FHIT: variants seen among roughly 807,000 people sequenced by gnomAD.
FHIT encodes fragile histidine triad diadenosine triphosphatase, also known as bis(5'-adenosyl)-triphosphatase.
A neutral mutation model predicts 17.9 loss-of-function variants in FHIT; 19 were observed. The observed-to-expected ratio is 1.06, with a 90% CI of 0.74 to 1.56. FHIT has a LOEUF of 1.56. FHIT is among the 40% of genes most tolerant of loss of function. FHIT has a pLI of 0.00. For missense variants in FHIT, 248 were observed against 189.2 expected, an observed-to-expected ratio of 1.31 and a Z score of -1.82; for synonymous variants, 81 against 69.7, an observed-to-expected ratio of 1.16 and a Z score of -0.81.
rs201555469 is a variant in FHIT at position 60,955,597 on chromosome 3, CATATAT to C, written c.-111+86444_-111+86449del. 8.2e-4 allele frequency among the ~76,000 whole-genome samples: 64 copies of C among 77,710 alleles called. 3 individuals are homozygous for C. Among genetic ancestry groups the C allele is most frequent in the African/African-American group, 2.7e-3 (45 of 16,676 alleles). The allele number at this position is 77,710 out of a possible 152,430, so 51.0% of individuals were successfully genotyped here. On this transcript the variant is annotated intron_variant, in intron 3 of 9. Coordinates refer to ENST00000492590, the MANE Select transcript of FHIT (RefSeq NM_002012.4). ...ATGTATCTGCTTAGGCATATATATA[CATATAT>C]ATATATATATATATATATATATATA...
At chr3:60,366,650 C>T (rs1242622051) in intron 5 of FHIT, among the ~76,000 whole-genome samples, 1 of 152,174 alleles carries the variant, frequency 6.6e-6, no homozygotes, top group Non-Finnish European at 1.5e-5. Context: ...CTCTCACATT[C>T]TCTTGCCCTT....
At chr3:60,020,926 T>C (rs919207048) in intron 5 of FHIT, among the ~76,000 whole-genome samples, 10 of 152,194 alleles carry the variant, frequency 6.6e-5, no homozygotes, top group African/African-American at 2.4e-4. Flanking sequence ...CCTTAAATAT[T>C]AATAAATACA....
intron 9 of FHIT, chr3:59,751,587 C>A (rs1411276946): frequency 3.1e-5 from 6 of 191,922 alleles, no homozygotes; most frequent in Admixed American, 2.9e-4. Context: ...CTATAGCTAT[C>A]TTTCTACCAG....
intron 3 of FHIT, among the ~76,000 whole-genome samples, chr3:60,937,527 A>G (rs1708239107): frequency 6.7e-6 from 1 of 149,858 alleles, no homozygotes; most frequent in African/African-American, 2.4e-5. Flanking sequence ...TCAGGTGCAG[A>G]AGTGGTCTAC....
intron 8 of FHIT, among the ~76,000 whole-genome samples, chr3:59,898,471 T>A (rs917593502): frequency 1.4e-5 from 2 of 143,304 alleles, no homozygotes; most frequent in African/African-American, 5.5e-5. Context: ...TGTGTGTGTG[T>A]GTGTATTTGG....
chr3:60,246,556 A>G (rs2107582946), intron 5 of FHIT, among the ~76,000 whole-genome samples: 1 of 152,242 alleles, frequency 6.6e-6, no homozygotes, highest in Admixed American at 6.5e-5. Context: ...TATTAGCCAC[A>G]TCTCTGCCTG....
At chr3:60,204,792 T>C (rs1398791723) in intron 5 of FHIT, among the ~76,000 whole-genome samples, 8 of 152,180 alleles carry the variant, frequency 5.3e-5, no homozygotes, top group African/African-American at 1.7e-4. Context: ...GATTAAAATA[T>C]CACTTTTAAG....
intron 5 of FHIT, among the ~76,000 whole-genome samples, chr3:60,320,556 A>G (rs1246454979): frequency 6.6e-6 from 1 of 152,068 alleles, no homozygotes; most frequent in Non-Finnish European, 1.5e-5. Context: ...TCCTTGTCCA[A>G]TCACTGTAAT....
At chr3:60,103,258 T>A (rs1704268886) in intron 5 of FHIT, among the ~76,000 whole-genome samples, 1 of 152,174 alleles carries the variant, frequency 6.6e-6, no homozygotes. Flanking sequence ...CGATCACCCC[T>A]ATTCCCCTCC....
intron 4 of FHIT, among the ~76,000 whole-genome samples, chr3:60,654,827 C>T (rs1553689171): frequency 3.9e-5 from 6 of 151,974 alleles, no homozygotes; most frequent in Non-Finnish European, 1.5e-5. Context: ...ACTCTGGTGA[C>T]AGAGCAAATG....
chr3:60,254,566 A>G lies in FHIT; in HGVS notation c.104-240414T>C, dbSNP rs891995562. Among the ~76,000 whole-genome samples, 3 of 152,204 alleles carry G rather than the reference A, an allele frequency of 2.0e-5. No individual in the cohort carries two copies. The East Asian group carries it at 5.8e-4, about 29-fold the overall frequency. On this transcript the variant is annotated intron_variant, in intron 5 of 9. Coordinates refer to ENST00000492590, the MANE Select transcript of FHIT (RefSeq NM_002012.4). Reference sequence around the variant, plus strand: ...AACAAAATATAACTAAAAGGGTTTGAAAAGTCATCGGCCAACAATATTTAA... The same window carrying G: ...AACAAAATATAACTAAAAGGGTTTGGAAAGTCATCGGCCAACAATATTTAA...
intron 2 of FHIT, among the ~76,000 whole-genome samples, chr3:61,101,686 G>A (rs1296430883): frequency 6.6e-6 from 1 of 152,172 alleles, no homozygotes; most frequent in Non-Finnish European, 1.5e-5. Context: ...CTATCCATGA[G>A]CATGGAATAT....
intron 5 of FHIT, among the ~76,000 whole-genome samples, chr3:60,143,710 G>C (rs550341026): frequency 6.7e-6 from 1 of 148,862 alleles, no homozygotes; most frequent in East Asian, 2.0e-4. Context: ...CTTCTAAATG[G>C]CTTACCATAA....
At chr3:60,711,066 C>T (rs1157250244) in intron 4 of FHIT, among the ~76,000 whole-genome samples, 1 of 152,128 alleles carries the variant, frequency 6.6e-6, no homozygotes, top group Non-Finnish European at 1.5e-5. Flanking sequence ...GGGTACTTCT[C>T]TGAGACAATA....
At chr3:60,829,377 C>T (rs1702237832) in intron 3 of FHIT, among the ~76,000 whole-genome samples, 1 of 152,172 alleles carries the variant, frequency 6.6e-6, no homozygotes, top group South Asian at 2.1e-4. Context: ...AAATAATTCC[C>T]TTTCTTCTTA....
chr3:59,804,527 G>A (rs900674323), intron 8 of FHIT, among the ~76,000 whole-genome samples: 2 of 152,194 alleles, frequency 1.3e-5, no homozygotes, highest in East Asian at 3.9e-4. Flanking sequence ...GGTGGGAGTG[G>A]GCCCGAGCAT....
Position 60,901,544 on chromosome 3 carries a change from C to T in FHIT, c.-110-79533G>A, listed in dbSNP as rs188879987. ...TCATTACACATCAAATAAACATTGA[C>T]GGCAAAAGGTAAAAAGTGTAGTTAC... On this transcript the variant is annotated intron_variant, in intron 3 of 9. Coordinates refer to ENST00000492590, the MANE Select transcript of FHIT (RefSeq NM_002012.4). 8.5e-5 allele frequency among the ~76,000 whole-genome samples: 13 copies of T among 152,236 alleles called. 1 individual carries two copies. Among genetic ancestry groups the T allele is most frequent in the African/African-American group, 3.1e-4 (13 of 41,546 alleles).
intron 5 of FHIT, among the ~76,000 whole-genome samples, chr3:60,338,765 A>C (rs1710368620): frequency 6.6e-6 from 1 of 152,168 alleles, no homozygotes; most frequent in Non-Finnish European, 1.5e-5. Context: ...ATGGGGAATA[A>C]ACTGCCTATT....
chr3:60,298,651 T>C (rs925406391), intron 5 of FHIT, among the ~76,000 whole-genome samples: 13 of 152,196 alleles, frequency 8.5e-5, no homozygotes, highest in African/African-American at 2.7e-4. Context: ...CCTTTTATAG[T>C]GTTCTGTTTT....
Sources: gnomAD v4.1 joint callset for allele counts (sites outside exome capture counted in the v4.1 genomes callset) on GRCh38, gnomAD v4.1.1 for gene constraint, MANE v1.5 for transcripts, NCBI Gene and HGNC (gene_info 2026-07-23, HGNC 2026-07-21) for gene names.